HMGCS2: variants seen among roughly 807,000 people sequenced by gnomAD.
HMGCS2 encodes 3-hydroxy-3-methylglutaryl-CoA synthase 2.
A neutral mutation model predicts 57.4 loss-of-function variants in HMGCS2; 50 were observed. The ratio of observed to expected loss-of-function variants is 0.87; its 90% CI spans 0.69 to 1.10. HMGCS2 has a LOEUF of 1.10. HMGCS2 is among the 50% of genes least tolerant of loss of function. The pLI, the probability that HMGCS2 is intolerant of heterozygous loss-of-function variation, is 0.00. For missense variants in HMGCS2, 627 were observed against 636.5 expected (o/e 0.99, Z 0.16); for synonymous variants, 254 against 245.1 (o/e 1.04, Z -0.34).
At chr1:119,752,359 A>T (rs587765909) in intron 8 of HMGCS2, among the ~76,000 whole-genome samples, 190 bp downstream of exon 8, 1 of 152,180 alleles carries the variant, frequency 6.6e-6, no homozygotes, top group East Asian at 1.9e-4. Flanking sequence ...CCCTCTTCCC[A>T]ACTCTATCTT....
chr1:119,757,298 A>G lies in HMGCS2; in HGVS notation c.991T>C (p.Leu331=), dbSNP rs776664576. ...CCGAAAGCCTCCAGCCCCTTATATA[A>G]GCTGGTTTGTGTGTCACTGCTGGCT... ...LSASSDTQTS[L]YKGLEAFGGL... The change falls in exon 5 of 10, where the codon TTA becomes CTA. Residue 331 remains leucine (L), a synonymous_variant. Coordinates refer to ENST00000369406, the MANE Select transcript of HMGCS2 (RefSeq NM_005518.4). 1.2e-6 allele frequency: 2 copies of G among 1,614,104 alleles called. No homozygotes were observed. Among genetic ancestry groups the G allele is most frequent in the Admixed American group, 3.3e-5 (2 of 60,018 alleles).
In HMGCS2 at chr1:119,750,776, ACT is replaced by A. The variant is rs1275593446; in HGVS notation, c.*5+19_*5+20del. On this transcript the variant is annotated intron_variant, in intron 9 of 9. Transcript: ENST00000369406. ...AAGACATTAGGGTTTTATGCCACCAACTCTGCAAACTCTCACTCACCACCTTT... is the reference window on the plus strand; with the variant it reads ...AAGACATTAGGGTTTTATGCCACCAACTGCAAACTCTCACTCACCACCTTT... 1 of 1,513,776 alleles carries A rather than the reference ACT, an allele frequency of 6.6e-7. No homozygotes were observed. The highest frequency in any genetic ancestry group is 1.1e-5 in the South Asian group (1 of 89,028). The allele number at this position is 1,513,776 out of a possible 1,614,324, so 93.8% of individuals were successfully genotyped here.
chr1:119,764,534 T>C lies in HMGCS2; in HGVS notation c.197A>G (p.Gln66Arg). The C allele has an allele frequency of 1.2e-6, 2 of 1,614,112 alleles. No individual in the cohort carries two copies. Among genetic ancestry groups the C allele is most frequent in the Non-Finnish European group, 1.7e-6 (2 of 1,179,992 alleles). ...CTCCAGGTCAGTTTGGTCCACATATTGGGCTGGGAAGTAGACCTCCAGGGC... is the reference window on the plus strand; with the variant it reads ...CTCCAGGTCAGTTTGGTCCACATATCGGGCTGGGAAGTAGACCTCCAGGGC... ...ILALEVYFPA[Q>R]YVDQTDLEKY... The change falls in exon 2 of 10, where the codon CAA (glutamine) becomes CGA (arginine). Residue 66 changes from glutamine to arginine, a missense_variant. Coordinates refer to ENST00000369406, the MANE Select transcript of HMGCS2 (RefSeq NM_005518.4).
At chr1:119,765,309 C>T (rs892035391) in intron 1 of HMGCS2, among the ~76,000 whole-genome samples, 7 of 152,318 alleles carry the variant, frequency 4.6e-5, no homozygotes, top group South Asian at 2.1e-4. Flanking sequence ...AGGGTTTCAC[C>T]GTGTTAGCCA....
chr1:119,768,794 C>T lies in HMGCS2; in HGVS notation c.51G>A (p.Ala17=), dbSNP rs762327005. 34 of 1,613,938 alleles carry T rather than the reference C, an allele frequency of 2.1e-5. No homozygotes were observed. Among genetic ancestry groups the T allele is most frequent in the East Asian group, 2.0e-4 (9 of 44,892 alleles). The change falls in exon 1 of 10, where the codon GCG becomes GCA. Residue 17 remains alanine, a synonymous_variant. Coordinates refer to ENST00000369406, the MANE Select transcript of HMGCS2 (RefSeq NM_005518.4). ...PVKRILQLTR[A]VQETSLTPAR... The stretch of plus-strand genomic sequence containing the variant: ...CAGGTGTGAGGGAGGTTTCCTGCAC[C>T]GCTCTTGTCAGTTGCAGAATGCGCT...
chr1:119,756,775 G>A (rs1445173184), intron 5 of HMGCS2, among the ~76,000 whole-genome samples: 2 of 152,144 alleles, frequency 1.3e-5, no homozygotes, highest in South Asian at 2.1e-4. Context: ...AAATGAGAAT[G>A]GGACCTGACA....
chr1:119,753,112 ATAAAT>A (rs760746002), intron 7 of HMGCS2, among the ~76,000 whole-genome samples, 163 bp downstream of exon 7: 18 of 152,200 alleles, frequency 1.2e-4, no homozygotes, highest in Non-Finnish European at 2.4e-4. Context: ...CTTTAAACAC[ATAAAT>A]TAAACAAACT....
At chr1:119,766,985 T>G (rs776661376) in intron 1 of HMGCS2, among the ~76,000 whole-genome samples, 4 of 152,230 alleles carry the variant, frequency 2.6e-5, no homozygotes, top group Non-Finnish European at 5.9e-5. Context: ...ATTTTTCTCC[T>G]GGTGTTGCCC....
In HMGCS2 at chr1:119,750,869, GGGAAAA is replaced by G. The variant is rs1652634252; in HGVS notation, c.1454_1459del (p.Leu485_Phe486del). On this transcript the variant is annotated inframe_deletion, in exon 9 of 10. Coordinates refer to ENST00000369406, the MANE Select transcript of HMGCS2 (RefSeq NM_005518.4). The stretch of plus-strand genomic sequence containing the variant: ...CACTCGCTCCAGGTACCAAGTACCT[GGGAAAA>G]GGCTGTTTGTGTCACCAGGTGGGGA... 1 of 1,613,784 alleles carries G rather than the reference GGGAAAA, an allele frequency of 6.2e-7. No individual in the cohort carries two copies. The highest frequency in any genetic ancestry group is 1.3e-5 in the African/African-American group (1 of 74,910).
In HMGCS2 at chr1:119,753,502, C is replaced by T. The variant is rs1652732994; in HGVS notation, c.1188-116G>A. On this transcript the variant is annotated intron_variant, in intron 6 of 9. Coordinates refer to ENST00000369406, the MANE Select transcript of HMGCS2 (RefSeq NM_005518.4). ...TTCAAATAGAACAACAGCCTATCATCCCGATCTTCTCCCTGTCTACCTCAT... is the reference window on the plus strand; with the variant it reads ...TTCAAATAGAACAACAGCCTATCATTCCGATCTTCTCCCTGTCTACCTCAT... 1.3e-5 allele frequency: 9 copies of T among 692,668 alleles called. No individual in the cohort carries two copies. The South Asian group carries it at 1.4e-4, about 10-fold the overall frequency. 42.9% of individuals were successfully genotyped at this position (692,668 alleles called of 1,614,324 possible).
intron 5 of HMGCS2, among the ~76,000 whole-genome samples, chr1:119,756,856 G>A (rs1264964954): frequency 6.6e-6 from 1 of 152,202 alleles, no homozygotes; most frequent in Non-Finnish European, 1.5e-5. Context: ...GCTGTGAGAT[G>A]CTCTAGGGCA....
chr1:119,754,784 C>T (rs1041328023), intron 6 of HMGCS2, among the ~76,000 whole-genome samples: 1 of 152,134 alleles, frequency 6.6e-6, no homozygotes, highest in African/African-American at 2.4e-5. Flanking sequence ...CATTTAACCA[C>T]CATGCTCTAC....
At chr1:119,749,558 C>A (rs1293945569) in intron 9 of HMGCS2, among the ~76,000 whole-genome samples, 1 of 152,190 alleles carries the variant, frequency 6.6e-6, no homozygotes, top group Admixed American at 6.5e-5. Flanking sequence ...CTGAGCTCGT[C>A]CTCTCAAAGG....
chr1:119,763,539 T>C (rs1003383833), intron 2 of HMGCS2, among the ~76,000 whole-genome samples: 7 of 152,258 alleles, frequency 4.6e-5, no homozygotes, highest in African/African-American at 1.7e-4. Flanking sequence ...CAAGCTCTCA[T>C]ACTGTACTGT....
At chr1:119,759,756 C>T in intron 3 of HMGCS2, 108 bp downstream of exon 3, 1 of 1,375,276 alleles carries the variant, frequency 7.3e-7, no homozygotes, top group Admixed American at 1.7e-5. Flanking sequence ...GCAATACCAT[C>T]CTCAAACGCA....
intron 4 of HMGCS2, 78 bp downstream of exon 4, chr1:119,759,040 A>G (rs988753323): frequency 3.4e-5 from 46 of 1,346,222 alleles, no homozygotes; most frequent in Admixed American, 5.0e-5. Flanking sequence ...GAGAGAAAAG[A>G]CCATCTCATG....
chr1:119,756,102 G>T (rs143133897), intron 5 of HMGCS2, among the ~76,000 whole-genome samples: 1 of 152,156 alleles, frequency 6.6e-6, no homozygotes, highest in East Asian at 1.9e-4. Flanking sequence ...TAAGGCTTTG[G>T]CTTCATGCTC....
chr1:119,754,788 G>A (rs1652781346), intron 6 of HMGCS2, among the ~76,000 whole-genome samples: 1 of 152,160 alleles, frequency 6.6e-6, no homozygotes, highest in Admixed American at 6.5e-5. Flanking sequence ...TAACCACCAT[G>A]CTCTACTAAG....
Position 119,764,392 on chromosome 1 carries a change from C to G in HMGCS2, c.339G>C (p.Leu113=). 6.2e-7 allele frequency: 1 copy of G among 1,614,242 alleles called. No individual in the cohort carries two copies. Among genetic ancestry groups the G allele is most frequent in the East Asian group, 2.2e-5 (1 of 44,886 alleles). Residue 113 remains leucine, a synonymous_variant, in exon 2 of 10, where the codon CTG becomes CTC. Coordinates refer to ENST00000369406, the MANE Select transcript of HMGCS2 (RefSeq NM_005518.4). Reference sequence around the variant, plus strand: ...CCCATGGGAGCTGTATGCGCTCCATCAGCCGTTGCACCACCGTCAGGCACA... The same window carrying G: ...CCCATGGGAGCTGTATGCGCTCCATGAGCCGTTGCACCACCGTCAGGCACA... ...NSLCLTVVQR[L]MERIQLPWDS...
Sources: allele counts gnomAD v4.1 joint callset (sites outside exome capture counted in the v4.1 genomes callset), GRCh38; gene constraint gnomAD v4.1.1; transcripts MANE v1.5; gene names NCBI Gene and HGNC (gene_info 2026-07-23, HGNC 2026-07-21).